OSBPL10: variants seen among roughly 807,000 people sequenced by gnomAD.
OSBPL10 encodes the protein oxysterol binding protein like 10, also known as oxysterol-binding protein-related protein 10.
In OSBPL10, 49 loss-of-function variants were observed where a neutral mutation model predicts 81.7. The observed-to-expected ratio is 0.60, with a 90% CI of 0.48 to 0.76. The LOEUF (loss-of-function observed/expected upper bound fraction) is 0.76. Ranked by LOEUF, OSBPL10 falls within the 30% of genes least tolerant of loss-of-function variation. The pLI, the probability that OSBPL10 is intolerant of heterozygous loss-of-function variation, is 0.00. For missense variants in OSBPL10, 923 were observed against 987.8 expected, an observed-to-expected ratio of 0.93 and a Z score of 0.88; for synonymous variants, 419 against 383.6, an observed-to-expected ratio of 1.09 and a Z score of -1.08.
At chr3:31,993,438 C>A (rs910740455) in intron 2 of OSBPL10, among the ~76,000 whole-genome samples, 4 of 151,970 alleles carry the variant, frequency 2.6e-5, no homozygotes, top group African/African-American at 9.7e-5. Flanking sequence ...AAACTCCTGA[C>A]CTCAGGTGAT....
chr3:31,840,182 C>T (rs1390883278), intron 3 of OSBPL10, among the ~76,000 whole-genome samples: 1 of 152,038 alleles, frequency 6.6e-6, no homozygotes, highest in Non-Finnish European at 1.5e-5. Flanking sequence ...CACTCTGGAA[C>T]ATGGGGACAA....
intron 3 of OSBPL10, among the ~76,000 whole-genome samples, chr3:31,857,504 C>T (rs1371910119): frequency 6.6e-6 from 1 of 151,830 alleles, no homozygotes; most frequent in Non-Finnish European, 1.5e-5. Flanking sequence ...GATAAAACGA[C>T]CAACTCAATA....
chr3:31,753,850 C>A (rs1902344), intron 4 of OSBPL10, among the ~76,000 whole-genome samples: 72,893 of 151,908 alleles, frequency 0.48, 17,830 homozygotes, highest in East Asian at 0.65. Flanking sequence ...ACCTTGCCTT[C>A]CCCGCTTGGA....
chr3:31,683,667 C>G lies in OSBPL10; in HGVS notation c.1693G>C (p.Gly565Arg). Reference protein sequence around the residue: ...THVWTKSKFMGMSVGVSMIGE... With the variant: ...THVWTKSKFMRMSVGVSMIGE... ...ATCATAGAGACCCCCACGGACATGCCCATGAACTTGCTTTTGGTCCATACA... is the reference window on the plus strand; with the variant it reads ...ATCATAGAGACCCCCACGGACATGCGCATGAACTTGCTTTTGGTCCATACA... Residue 565 changes from glycine (G) to arginine (R), a missense_variant, in exon 8 of 12, where the codon GGC becomes CGC. Coordinates refer to ENST00000396556, the MANE Select transcript of OSBPL10 (RefSeq NM_017784.5). 5 of 1,613,772 alleles carry G rather than the reference C, an allele frequency of 3.1e-6. No homozygotes were observed.
intron 1 of OSBPL10, among the ~76,000 whole-genome samples, chr3:31,963,585 G>C (rs965869171): frequency 1.3e-5 from 2 of 152,096 alleles, no homozygotes; most frequent in Admixed American, 1.3e-4. Flanking sequence ...CCCACCCAAA[G>C]AGGCGCCTGG....
intron 1 of OSBPL10, among the ~76,000 whole-genome samples, chr3:31,928,060 A>G (rs949407828): frequency 1.3e-5 from 2 of 152,196 alleles, no homozygotes; most frequent in African/African-American, 2.4e-5. Context: ...AGTAAAAATA[A>G]GGTCATTAAA....
At chr3:31,951,879 G>A (rs1697880257) in intron 1 of OSBPL10, among the ~76,000 whole-genome samples, 3 of 151,996 alleles carry the variant, frequency 2.0e-5, no homozygotes, top group Admixed American at 6.6e-5. Context: ...CTTTAACACC[G>A]TGCTATACTC....
intron 6 of OSBPL10, among the ~76,000 whole-genome samples, chr3:31,726,907 G>A (rs1015478379): frequency 2.0e-5 from 3 of 151,190 alleles, no homozygotes; most frequent in African/African-American, 7.4e-5. Flanking sequence ...GCAGTGGTGT[G>A]ATCACAGCCC....
At chr3:31,667,326 G>A (rs1700216487) in intron 10 of OSBPL10, among the ~76,000 whole-genome samples, 1 of 152,240 alleles carries the variant, frequency 6.6e-6, no homozygotes, top group South Asian at 2.1e-4. Flanking sequence ...AAGCTCTCCA[G>A]TTAGACACAG....
chr3:31,668,688 G>C lies in OSBPL10; in HGVS notation c.2050C>G (p.Pro684Ala). ...TTCTCAAGAGGTCTGATCTTCTTGGGATACACTGGCAGTGTGGTTGTGTCG... is the reference window on the plus strand; with the variant it reads ...TTCTCAAGAGGTCTGATCTTCTTGGCATACACTGGCAGTGTGGTTGTGTCG... ...VIDTTTLPVY[P>A]KKIRPLEKQG... Residue 684 changes from proline (P) to alanine (A), a missense_variant, in exon 10 of 12, where the codon CCC becomes GCC. By Grantham distance (27) the Pro-to-Ala change is conservative. This residue lies in a region of OSBPL10 where 387 missense variants were observed against 436.3 expected (regional missense o/e 0.89). Transcript: ENST00000396556. The C allele has an allele frequency of 6.2e-7, 1 of 1,614,054 alleles. No individual in the cohort carries two copies. Among genetic ancestry groups the C allele is most frequent in the Non-Finnish European group, 8.5e-7 (1 of 1,179,968 alleles).
chr3:31,947,764 T>A (rs1697743813), intron 1 of OSBPL10, among the ~76,000 whole-genome samples: 1 of 152,092 alleles, frequency 6.6e-6, no homozygotes, highest in Admixed American at 6.6e-5. Context: ...CTGTGTTAGG[T>A]CATATTCCCT....
chr3:31,842,426 G>C (rs1700522676), intron 3 of OSBPL10, among the ~76,000 whole-genome samples: 1 of 152,226 alleles, frequency 6.6e-6, no homozygotes, highest in African/African-American at 2.4e-5. Context: ...TGGCTAACAG[G>C]TGTCAATACC....
At chr3:32,054,929 C>G (rs1460189488) in intron 1 of OSBPL10, among the ~76,000 whole-genome samples, 1 of 152,094 alleles carries the variant, frequency 6.6e-6, no homozygotes, top group Non-Finnish European at 1.5e-5. Context: ...GTTTATAGGA[C>G]TTTGACGGGT....
rs529797630 is a variant in OSBPL10, at chr3:31,759,437, T to TA, written c.730-11318dup. Among the ~76,000 whole-genome samples, 802 of 152,232 alleles carry TA rather than the reference T, an allele frequency of 5.3e-3. 6 individuals carry two copies. The highest frequency in any genetic ancestry group is 8.4e-3 in the Non-Finnish European group (571 of 68,002). ...AGGCTACTCTATGTTTTGTTTTAATTAAAAATCTCTTTTTAATACAAAAGA... is the reference window on the plus strand; with the variant it reads ...AGGCTACTCTATGTTTTGTTTTAATTAAAAAATCTCTTTTTAATACAAAAGA... On this transcript the variant is annotated intron_variant, in intron 4 of 11. Transcript: ENST00000396556.
chr3:31,952,613 A>G (rs977592840), intron 1 of OSBPL10, among the ~76,000 whole-genome samples: 4 of 152,198 alleles, frequency 2.6e-5, no homozygotes, highest in Admixed American at 2.6e-4. Context: ...TCATACTACT[A>G]TGTAAAATCC....
At chr3:31,964,824 T>C (rs1388020047) in intron 1 of OSBPL10, among the ~76,000 whole-genome samples, 2 of 152,166 alleles carry the variant, frequency 1.3e-5, no homozygotes, top group Non-Finnish European at 2.9e-5. Context: ...TAAAAGTAAG[T>C]TAGTCTGTAA....
At chr3:31,740,870 T>TATATATATATATATATATATA (rs1553620070) in intron 5 of OSBPL10, among the ~76,000 whole-genome samples, 14 of 149,390 alleles carry the variant, frequency 9.4e-5, no homozygotes, top group African/African-American at 3.0e-4. Context: ...TATATATATG[T>TATATATATATATATATATATA]CATATTTCTT....
intron 1 of OSBPL10, among the ~76,000 whole-genome samples, chr3:31,898,473 G>A (rs1205895566): frequency 1.3e-5 from 2 of 151,840 alleles, no homozygotes. Flanking sequence ...GGCCACACAT[G>A]GTGGCTCATG....
intron 3 of OSBPL10, among the ~76,000 whole-genome samples, chr3:31,854,371 C>T (rs1452728357): frequency 7.2e-5 from 11 of 152,166 alleles, no homozygotes; most frequent in Non-Finnish European, 1.6e-4. Context: ...GCCCATAATG[C>T]CTCCTTTCCC....
Sources: allele counts gnomAD v4.1 joint callset (sites outside exome capture counted in the v4.1 genomes callset), GRCh38; gene constraint gnomAD v4.1.1; regional missense constraint gnomAD v4.1.1; transcripts MANE v1.5; gene names NCBI Gene and HGNC (gene_info 2026-07-23, HGNC 2026-07-21).